SLC41A3: variants seen among roughly 807,000 people sequenced by gnomAD.
SLC41A3 encodes SLC41A1-like 2.
A neutral mutation model predicts 45.4 loss-of-function variants in SLC41A3; 44 were observed. That is an observed-to-expected ratio of 0.97 (90% CI 0.76 to 1.25). The LOEUF (loss-of-function observed/expected upper bound fraction) is 1.25, where lower values mean the gene tolerates loss of function less well. Among genes scored for constraint, SLC41A3 ranks in the 50% most tolerant of loss-of-function variants. The probability of loss-of-function intolerance (pLI) is 0.00; values close to 1 mark genes in which losing one functional copy is unlikely to be tolerated. For synonymous variants in SLC41A3, 256 were observed against 252.4 expected, an observed-to-expected ratio of 1.01 and a Z score of -0.13; for missense variants, 550 against 600.6, an observed-to-expected ratio of 0.92 and a Z score of 0.88.
intron 3 of SLC41A3, among the ~76,000 whole-genome samples, chr3:126,037,963 G>C (rs1303009834): frequency 6.6e-6 from 1 of 152,236 alleles, no homozygotes; most frequent in East Asian, 1.9e-4. Flanking sequence ...AACATCCCTG[G>C]CTGTTCCAGC....
chr3:126,087,697 G>T (rs1945420696), upstream of SLC41A3, among the ~76,000 whole-genome samples: 1 of 151,858 alleles, frequency 6.6e-6, no homozygotes, highest in African/African-American at 2.4e-5. Context: ...AAAATGACTA[G>T]GTTGTTCAAG....
chr3:126,069,400 G>C (rs1271282387), intron 1 of SLC41A3, among the ~76,000 whole-genome samples: 2 of 152,154 alleles, frequency 1.3e-5, no homozygotes, highest in Non-Finnish European at 2.9e-5. Context: ...TCATCAGCTG[G>C]CACTGGGCAG....
chr3:126,071,573 G>A lies in SLC41A3; in HGVS notation c.-27-3327C>T, dbSNP rs371977446. On this transcript the variant is annotated intron_variant, in intron 1 of 10. Coordinates refer to ENST00000360370, the MANE Select transcript of SLC41A3 (RefSeq NM_017836.4). ...CAAACACATCTATACAAAACACTCC[G>A]CGCAACAATAGCAGAATACTCAATC... Among the ~76,000 whole-genome samples, 80 of 152,216 alleles carry A rather than the reference G, an allele frequency of 5.3e-4. No individual in the cohort carries two copies. In the East Asian group the frequency reaches 9.1e-3, roughly 17 times the overall value.
upstream of SLC41A3, among the ~76,000 whole-genome samples, chr3:126,085,882 T>A (rs1433425798): frequency 1.3e-5 from 2 of 151,968 alleles, no homozygotes; most frequent in Non-Finnish European, 2.9e-5. Context: ...CCAACAAAAA[T>A]TAATTTTAAA....
At chr3:126,097,828 T>C (rs1945633852) in intron 1 of SLC41A3, among the ~76,000 whole-genome samples, 1 of 152,182 alleles carries the variant, frequency 6.6e-6, no homozygotes, top group Admixed American at 6.5e-5. Flanking sequence ...GCAGCCAAGC[T>C]CCAAAGGGCA....
At chr3:126,076,470 C>T (rs897794860) in intron 1 of SLC41A3, among the ~76,000 whole-genome samples, 1 of 152,194 alleles carries the variant, frequency 6.6e-6, no homozygotes, top group African/African-American at 2.4e-5. Flanking sequence ...TATGACTATT[C>T]ATGTGCAAGT....
At chr3:126,101,016 G>A (rs1200390006) in intron 1 of SLC41A3, among the ~76,000 whole-genome samples, 1 of 152,280 alleles carries the variant, frequency 6.6e-6, no homozygotes, top group African/African-American at 2.4e-5. Context: ...TAGCCTGGCA[G>A]TGAGTCGCCC....
intron 3 of SLC41A3, among the ~76,000 whole-genome samples, chr3:126,049,187 G>A (rs1222023782): frequency 6.6e-6 from 1 of 151,786 alleles, no homozygotes; most frequent in Non-Finnish European, 1.5e-5. Flanking sequence ...GTAGAGAAGT[G>A]TTTAAAATGT....
At chr3:126,075,978 C>G (rs181490196) in intron 1 of SLC41A3, among the ~76,000 whole-genome samples, 9 of 152,262 alleles carry the variant, frequency 5.9e-5, no homozygotes, top group African/African-American at 2.2e-4. Flanking sequence ...AAAAAACTGA[C>G]AAATTGGATT....
At chr3:126,085,030 T>G (rs1048541948), upstream of SLC41A3, among the ~76,000 whole-genome samples, 23 of 152,312 alleles carry the variant, frequency 1.5e-4, 1 homozygote, top group African/African-American at 5.5e-4. Context: ...ATAAAACACA[T>G]TGGTCTCCAC....
At chr3:126,009,038 A>G (rs988671970) in intron 9 of SLC41A3, among the ~76,000 whole-genome samples, 158 bp from the exon 10 acceptor site, 1 of 152,266 alleles carries the variant, frequency 6.6e-6, no homozygotes, top group African/African-American at 2.4e-5. Context: ...AGATGGGGAT[A>G]CAGTCTTTCC....
chr3:126,065,827 A>G (rs1400154493), intron 2 of SLC41A3, among the ~76,000 whole-genome samples: 1 of 152,250 alleles, frequency 6.6e-6, no homozygotes, highest in African/African-American at 2.4e-5. Flanking sequence ...CTTAATATAT[A>G]CAAAGCCCCT....
At chr3:126,059,314 G>GAAAGAAAGA (rs150520192) in intron 2 of SLC41A3, among the ~76,000 whole-genome samples, 38 of 102,764 alleles carry the variant, frequency 3.7e-4, no homozygotes, top group African/African-American at 1.4e-3. Flanking sequence ...AAGAAAGGAA[G>GAAAGAAAGA]GATGATCTGT....
At chr3:126,069,559 A>AC (rs1944519905) in intron 1 of SLC41A3, among the ~76,000 whole-genome samples, 1 of 152,180 alleles carries the variant, frequency 6.6e-6, no homozygotes. Flanking sequence ...TATACTGTTA[A>AC]AGGTCTAGTT....
rs2107730309 is a variant in SLC41A3, at chr3:126,026,581, C to T, written c.454-102G>A. 7 of 1,418,530 alleles carry T rather than the reference C, an allele frequency of 4.9e-6. No individual in the cohort carries two copies. In the Middle Eastern group the frequency reaches 7.8e-4, roughly 158 times the overall value. The allele number at this position is 1,418,530 out of a possible 1,614,324, so 87.9% of individuals were successfully genotyped here. On this transcript the variant is annotated intron_variant, in intron 4 of 10. Coordinates refer to ENST00000360370, the MANE Select transcript of SLC41A3 (RefSeq NM_017836.4). The surrounding 1 kb of genome is among the most constrained non-coding windows in gnomAD (Gnocchi z 4.2). The stretch of plus-strand genomic sequence containing the variant: ...ACCGCAAGGGGCCGGGTGCCACATG[C>T]TACTGCCTCCTTTCCCTTACCCTAA...
chr3:126,020,136 C>T (rs1261360153), intron 6 of SLC41A3, among the ~76,000 whole-genome samples: 1 of 152,090 alleles, frequency 6.6e-6, no homozygotes, highest in Non-Finnish European at 1.5e-5. Context: ...CCTTCTGGAG[C>T]GGCAGCATGA....
intron 1 of SLC41A3, among the ~76,000 whole-genome samples, chr3:126,078,400 G>GAA (rs1409500171): frequency 6.6e-6 from 1 of 152,130 alleles, no homozygotes; most frequent in African/African-American, 2.4e-5. Context: ...AGAGGAGGAG[G>GAA]ACTTGGACCC....
chr3:126,066,200 C>T (rs1332029649), intron 2 of SLC41A3, among the ~76,000 whole-genome samples: 1 of 152,210 alleles, frequency 6.6e-6, no homozygotes, highest in Non-Finnish European at 1.5e-5. Flanking sequence ...GAGATGTCCA[C>T]ATGGAGAGGA....
intron 1 of SLC41A3, among the ~76,000 whole-genome samples, chr3:126,090,958 G>A (rs1945478189): frequency 6.6e-6 from 1 of 152,156 alleles, no homozygotes; most frequent in Admixed American, 6.5e-5. Flanking sequence ...GCCTCTGCAT[G>A]GTACCCCAGC....
Sources: gnomAD v4.1 joint callset for allele counts (sites outside exome capture counted in the v4.1 genomes callset) on GRCh38, gnomAD v4.1.1 for gene constraint, Gnocchi (gnomAD v3.1) non-coding constraint, MANE v1.5 for transcripts, NCBI Gene and HGNC (gene_info 2026-07-23, HGNC 2026-07-21) for gene names.